MPHOSPH6: variants seen among roughly 807,000 people sequenced by gnomAD.
MPHOSPH6 encodes the protein M-phase phosphoprotein 6.
Under a neutral mutation model 21.8 loss-of-function variants are expected in MPHOSPH6, and 25 were observed. The observed-to-expected ratio is 1.15, with a 90% CI of 0.83 to 1.60. The LOEUF is 1.60. Ranked by LOEUF, MPHOSPH6 falls within the 40% of genes most tolerant of loss-of-function variation. MPHOSPH6 has a pLI of 0.00. For missense variants in MPHOSPH6, 269 were observed against 181.8 expected (o/e 1.48, Z -2.76); for synonymous variants, 84 against 56.5 (o/e 1.49, Z -2.18).
chr16:82,153,830 T>C (rs1410954841), intron 2 of MPHOSPH6, among the ~76,000 whole-genome samples: 2 of 152,220 alleles, frequency 1.3e-5, no homozygotes, highest in Admixed American at 1.3e-4. Flanking sequence ...ACAGAATTTA[T>C]GCTCCTACAG....
chr16:82,165,347 A>C (rs1181666901), intron 1 of MPHOSPH6, among the ~76,000 whole-genome samples: 1 of 151,632 alleles, frequency 6.6e-6, no homozygotes, highest in Non-Finnish European at 1.5e-5. Flanking sequence ...GCTGGTCTCA[A>C]ACTCCTGACT....
intron 1 of MPHOSPH6, among the ~76,000 whole-genome samples, chr16:82,166,201 C>T (rs1428126478): frequency 6.6e-6 from 1 of 152,158 alleles, no homozygotes; most frequent in African/African-American, 2.4e-5. Flanking sequence ...TTTGCAACTT[C>T]CTGTGAATCT....
chr16:82,150,688 A>T, intron 3 of MPHOSPH6, among the ~76,000 whole-genome samples: 1 of 152,230 alleles, frequency 6.6e-6, no homozygotes, highest in Non-Finnish European at 1.5e-5. Flanking sequence ...AACAGAGGAC[A>T]GGGATGTGGT....
rs934794083 is a variant in MPHOSPH6 at position 82,152,453 on chromosome 16, G to T, written c.165-939C>A. 3.9e-5 allele frequency among the ~76,000 whole-genome samples: 6 copies of T among 152,158 alleles called. No individual in the cohort carries two copies. The South Asian group carries it at 8.3e-4, about 21-fold the overall frequency. ...AGAAGGAATTTACTGTAAGAACACT[G>T]TAGGCTCTTCATTTCCAAGGGGGAC... On this transcript the variant is annotated intron_variant, in intron 2 of 4. Coordinates refer to ENST00000258169, the MANE Select transcript of MPHOSPH6 (RefSeq NM_005792.2).
intron 2 of MPHOSPH6, among the ~76,000 whole-genome samples, chr16:82,162,598 G>A (rs994110747): frequency 4.6e-5 from 7 of 152,230 alleles, no homozygotes; most frequent in South Asian, 2.1e-4. Flanking sequence ...CCACCCACCC[G>A]TTGACTCTGC....
chr16:82,167,026 T>C (rs567237416), intron 1 of MPHOSPH6, among the ~76,000 whole-genome samples: 85 of 152,326 alleles, frequency 5.6e-4, no homozygotes, highest in South Asian at 1.5e-3. Context: ...TAGATGTCTG[T>C]TGTCGTCGAT....
Position 82,151,585 on chromosome 16 carries a change from A to G in MPHOSPH6, c.165-71T>C, listed in dbSNP as rs942277249. 4.2e-6 allele frequency: 6 copies of G among 1,434,084 alleles called. No homozygotes were observed. In the African/African-American group the frequency reaches 8.6e-5, roughly 21 times the overall value. The allele number at this position is 1,434,084 out of a possible 1,614,324, so 88.8% of individuals were successfully genotyped here. On this transcript the variant is annotated intron_variant, in intron 2 of 4. Transcript: ENST00000258169. ...GCAAACAAAAGCCAACACTTTGAAT[A>G]AAAAAAATAATCAACCTATGGTTCT... is the stretch of plus-strand genomic sequence containing the variant.
At chr16:82,149,852 A>C (rs1370507459) in intron 3 of MPHOSPH6, among the ~76,000 whole-genome samples, 2 of 151,978 alleles carry the variant, frequency 1.3e-5, no homozygotes, top group Non-Finnish European at 2.9e-5. Flanking sequence ...AGGAGGTGGG[A>C]GAAGTGGAAG....
At chr16:82,159,655 C>T (rs913894809) in intron 2 of MPHOSPH6, among the ~76,000 whole-genome samples, 1 of 152,170 alleles carries the variant, frequency 6.6e-6, no homozygotes, top group Non-Finnish European at 1.5e-5. Flanking sequence ...ATCCGCCTGC[C>T]TCGGCCTCCC....
intron 2 of MPHOSPH6, among the ~76,000 whole-genome samples, chr16:82,160,232 C>G (rs1380131346): frequency 6.6e-6 from 1 of 152,150 alleles, no homozygotes; most frequent in Non-Finnish European, 1.5e-5. Flanking sequence ...TATTTCAAAA[C>G]TTACCTCTTT....
At chr16:82,160,225 T>A (rs1906565184) in intron 2 of MPHOSPH6, among the ~76,000 whole-genome samples, 1 of 152,218 alleles carries the variant, frequency 6.6e-6, no homozygotes, top group African/African-American at 2.4e-5. Context: ...AGTGAAATAT[T>A]TCAAAACTTA....
intron 2 of MPHOSPH6, among the ~76,000 whole-genome samples, chr16:82,153,708 C>CTTAGGGAAAAAG (rs1906341078): frequency 6.6e-6 from 1 of 152,124 alleles, no homozygotes; most frequent in African/African-American, 2.4e-5. Flanking sequence ...AGTCTTTAGA[C>CTTAGGGAAAAAG]TTAGGGAAAA....
In MPHOSPH6 at chr16:82,149,365, T is replaced by A; in HGVS notation, c.294A>T (p.Glu98Asp). The change falls in exon 4 of 5, where the codon GAA becomes GAT. Residue 98 changes from glutamate (E) to aspartate (D), a missense_variant. Transcript: ENST00000258169. ...MLQMNAKHKAEEVEDETVELD... is the reference protein window; with the variant it reads ...MLQMNAKHKADEVEDETVELD... ...GCTCTACTGTTTCATCTTCAACTTC[T>A]TCTGCTTTGTGCTTAGCATTCATCT... The A allele has an allele frequency of 1.9e-6, 3 of 1,613,026 alleles. No homozygotes were observed. The highest frequency in any genetic ancestry group is 2.5e-6 in the Non-Finnish European group (3 of 1,180,034).
intron 1 of MPHOSPH6, 123 bp downstream of exon 1, chr16:82,170,002 G>T: frequency 9.1e-7 from 1 of 1,104,954 alleles, no homozygotes; most frequent in South Asian, 1.6e-5. Flanking sequence ...GAATGAGCAC[G>T]AGAGCTGGAA....
chr16:82,154,639 A>G (rs1198118976), intron 2 of MPHOSPH6, among the ~76,000 whole-genome samples: 1 of 152,102 alleles, frequency 6.6e-6, no homozygotes, highest in Non-Finnish European at 1.5e-5. Context: ...AATAGAACTT[A>G]TATAATTAAG....
chr16:82,160,014 C>A lies in MPHOSPH6; in HGVS notation c.164+4068G>T, dbSNP rs1184734104. Among the ~76,000 whole-genome samples, 5 of 152,278 alleles carry A rather than the reference C, an allele frequency of 3.3e-5. No individual in the cohort carries two copies. The East Asian group carries it at 9.6e-4, about 29-fold the overall frequency. On this transcript the variant is annotated intron_variant, in intron 2 of 4. Coordinates refer to ENST00000258169, the MANE Select transcript of MPHOSPH6 (RefSeq NM_005792.2). ...AAAGCACCATACATCAAAGCTTTCA[C>A]TTAAGGCAAAGGAGGGACCCAGAGA... is the stretch of plus-strand genomic sequence containing the variant.
At chr16:82,168,665 TTTCACCA>T (rs1906871712) in intron 1 of MPHOSPH6, among the ~76,000 whole-genome samples, 1 of 152,046 alleles carries the variant, frequency 6.6e-6, no homozygotes, top group Non-Finnish European at 1.5e-5. Flanking sequence ...AGAGATGGGG[TTTCACCA>T]TGTTGCCCAG....
At chr16:82,156,169 C>A (rs1190214023) in intron 2 of MPHOSPH6, among the ~76,000 whole-genome samples, 2 of 151,888 alleles carry the variant, frequency 1.3e-5, no homozygotes, top group Admixed American at 1.3e-4. Flanking sequence ...CATTAACAGG[C>A]TAGAAGAAAA....
intron 2 of MPHOSPH6, among the ~76,000 whole-genome samples, chr16:82,155,904 C>CA (rs529834500): frequency 0.012 from 1,180 of 101,662 alleles, 5 homozygotes; most frequent in African/African-American, 0.029. Flanking sequence ...CACTCTGTCT[C>CA]AAAAAAAAAA....
Sources: gnomAD v4.1 joint callset for allele counts (sites outside exome capture counted in the v4.1 genomes callset) on GRCh38, gnomAD v4.1.1 for gene constraint, MANE v1.5 for transcripts, NCBI Gene and HGNC (gene_info 2026-07-23, HGNC 2026-07-21) for gene names.